SYTL5: variants seen among roughly 807,000 people sequenced by gnomAD.
The protein encoded by SYTL5 is synaptotagmin-like protein 5.
Under a neutral mutation model 55.9 loss-of-function variants are expected in SYTL5, and 34 were observed. The observed-to-expected ratio is 0.61, with a 90% CI of 0.46 to 0.81. SYTL5 has a LOEUF of 0.81. SYTL5 is among the 30% of genes least tolerant of loss of function. The probability of loss-of-function intolerance (pLI) is 0.00; values close to 1 mark genes in which losing one functional copy is unlikely to be tolerated. For missense variants in SYTL5, 637 were observed against 546.7 expected, an observed-to-expected ratio of 1.17 and a Z score of -1.65; for synonymous variants, 221 against 188.7, an observed-to-expected ratio of 1.17 and a Z score of -1.40.
intron 1 of SYTL5, among the ~76,000 whole-genome samples, chrX:38,026,498 A>G (rs1228275148): frequency 2.7e-5 from 3 of 111,750 alleles, no homozygotes; most frequent in Admixed American, 9.5e-5. Context: ...GAGTAAAGTG[A>G]AAACAAGTTT....
chrX:37,905,896 G>A, the SYTL5 span, among the ~76,000 whole-genome samples: 3 of 113,170 alleles, frequency 2.7e-5, no homozygotes, highest in African/African-American at 6.4e-5. Context: ...TGTGAGCCCC[G>A]TGGATGGGGC....
chrX:37,904,369 G>A, the SYTL5 span, among the ~76,000 whole-genome samples: 1 of 105,389 alleles, frequency 9.5e-6, no homozygotes, highest in Non-Finnish European at 1.9e-5. Context: ...GAGTGGGGGG[G>A]ACTTTAGAAA....
upstream of SYTL5, among the ~76,000 whole-genome samples, chrX:38,006,265 C>T (rs893820992): frequency 9.0e-6 from 1 of 111,541 alleles, no homozygotes; most frequent in Non-Finnish European, 1.9e-5. Context: ...TCACGTTTCT[C>T]CCAGGTTTTT....
chrX:37,892,583 C>A, the SYTL5 span, among the ~76,000 whole-genome samples: 1 of 90,696 alleles, frequency 1.1e-5, no homozygotes, highest in Non-Finnish European at 2.1e-5. Context: ...CGTATATATA[C>A]CAATATTAGT....
chrX:38,035,824 G>A (rs1432552530), intron 2 of SYTL5, among the ~76,000 whole-genome samples: 9 of 110,299 alleles, frequency 8.2e-5, no homozygotes, highest in African/African-American at 3.0e-4. Flanking sequence ...GAACCCCAGA[G>A]GTGGAGGTTG....
chrX:37,966,442 T>C, the SYTL5 span, among the ~76,000 whole-genome samples: 20 of 91,904 alleles, frequency 2.2e-4, no homozygotes, highest in Admixed American at 1.3e-3. Flanking sequence ...TTTTCTTTTT[T>C]TTTTTTTTTT....
intron 14 of SYTL5, 122 bp from the exon 15 acceptor site, chrX:38,121,958 A>G (rs1315077758): frequency 2.8e-6 from 2 of 709,452 alleles, no homozygotes; most frequent in Non-Finnish European, 3.8e-6. Flanking sequence ...AAAGGCCCAA[A>G]TTAGTCAGCA....
chrX:38,049,090 C>T (rs1367586955), intron 2 of SYTL5, among the ~76,000 whole-genome samples: 3 of 111,286 alleles, frequency 2.7e-5, no homozygotes, highest in Non-Finnish European at 3.8e-5. Flanking sequence ...GCTGCTGTGA[C>T]ATTATTCTGC....
intron 9 of SYTL5, among the ~76,000 whole-genome samples, chrX:38,098,854 T>C (rs1001860677): frequency 1.8e-5 from 2 of 110,868 alleles, no homozygotes; most frequent in African/African-American, 6.5e-5. Context: ...TGACACATAC[T>C]ACAACATGCA....
intron 3 of SYTL5, among the ~76,000 whole-genome samples, chrX:38,067,933 C>T (rs1405942987): frequency 9.0e-6 from 1 of 111,659 alleles, no homozygotes; most frequent in Non-Finnish European, 1.9e-5. Context: ...CAAAAATTGA[C>T]AAATGAGACC....
At chrX:38,020,460 T>C (rs1934516876) in intron 1 of SYTL5, among the ~76,000 whole-genome samples, 1 of 96,616 alleles carries the variant, frequency 1.0e-5, no homozygotes, top group Non-Finnish European at 2.1e-5. Context: ...TTTCTTTTAA[T>C]ATAATTGGGA....
chrX:37,981,111 T>C, the SYTL5 span, among the ~76,000 whole-genome samples: 452 of 112,232 alleles, frequency 4.0e-3, 1 homozygote, highest in African/African-American at 0.014. Flanking sequence ...GAACTGACTT[T>C]ATTTGCAAGA....
Position 38,126,632 on chromosome X carries a change from GA to G in SYTL5, c.2097del (p.Glu700SerfsTer73). 2 of 1,211,069 alleles carry G rather than the reference GA, an allele frequency of 1.7e-6. No individual in the cohort carries two copies. On this transcript the variant is annotated frameshift_variant, in exon 17 of 17. Coordinates refer to ENST00000297875, the MANE Select transcript of SYTL5 (RefSeq NM_138780.3). LOFTEE classifies it high-confidence loss of function. ...CGTGGATTGGATGGACTCTCAGGGGGAAGAGCAGCGCCTTTGGCAGAAGATG... is the reference window on the plus strand; with the variant it reads ...CGTGGATTGGATGGACTCTCAGGGGGAGAGCAGCGCCTTTGGCAGAAGATG... ...KNVDWMDSQGEEQRLWQKMAN... is the reference protein window; with the variant it reads ...KNVDWMDSQGXEQRLWQKMAN...
At chrX:38,003,333 A>G (rs1042585258), upstream of SYTL5, among the ~76,000 whole-genome samples, 4 of 111,436 alleles carry the variant, frequency 3.6e-5, no homozygotes, top group African/African-American at 1.3e-4. Flanking sequence ...TTGGCTTAGG[A>G]TTGACTTGGC....
At chrX:37,941,089 C>T in the SYTL5 span, among the ~76,000 whole-genome samples, 81 of 111,825 alleles carry the variant, frequency 7.2e-4, no homozygotes, top group African/African-American at 2.5e-3. Context: ...ATCAGGCATA[C>T]AATATATCAT....
the SYTL5 span, among the ~76,000 whole-genome samples, chrX:37,910,408 A>C: frequency 8.9e-6 from 1 of 112,341 alleles, no homozygotes; most frequent in African/African-American, 3.2e-5. Context: ...CCTTATCTCC[A>C]AATAGTTATA....
chrX:38,105,028 G>A (rs1937171988), intron 10 of SYTL5, among the ~76,000 whole-genome samples: 1 of 112,406 alleles, frequency 8.9e-6, no homozygotes, highest in Admixed American at 9.4e-5. Context: ...ACACTGTGGA[G>A]TCATTATTAA....
chrX:38,059,260 C>T (rs146295820), intron 3 of SYTL5, among the ~76,000 whole-genome samples: 20 of 111,615 alleles, frequency 1.8e-4, no homozygotes, highest in Non-Finnish European at 3.6e-4. Flanking sequence ...GAGTCCCCTA[C>T]GGGACTACTT....
the SYTL5 span, among the ~76,000 whole-genome samples, chrX:37,902,148 T>C: frequency 8.9e-6 from 1 of 112,046 alleles, no homozygotes; most frequent in Admixed American, 9.4e-5. Context: ...TTTATTTATG[T>C]TTTAAAATTA....
Sources: allele counts gnomAD v4.1 joint callset (sites outside exome capture counted in the v4.1 genomes callset), GRCh38; gene constraint gnomAD v4.1.1; transcripts MANE v1.5; gene names NCBI Gene and HGNC (gene_info 2026-07-23, HGNC 2026-07-21).